GPC5: variants seen among roughly 807,000 people sequenced by gnomAD.
GPC5 encodes the protein glypican-5.
Under a neutral mutation model 53.9 loss-of-function variants are expected in GPC5, and 47 were observed. The ratio of observed to expected loss-of-function variants is 0.87; its 90% CI spans 0.69 to 1.11. GPC5 has a LOEUF of 1.11. Among genes scored for constraint, GPC5 ranks in the 50% most tolerant of loss-of-function variants. The pLI is 0.00. For missense variants in GPC5, 748 were observed against 713.1 expected, an observed-to-expected ratio of 1.05 and a Z score of -0.56; for synonymous variants, 286 against 263.3, an observed-to-expected ratio of 1.09 and a Z score of -0.84.
chr13:92,181,178 C>G (rs1015999257), intron 7 of GPC5, among the ~76,000 whole-genome samples: 10 of 151,986 alleles, frequency 6.6e-5, no homozygotes, highest in African/African-American at 2.4e-4. Context: ...AATAGCTAGT[C>G]TTTAAAGTTT....
At chr13:92,558,518 G>T (rs1196674022) in intron 7 of GPC5, among the ~76,000 whole-genome samples, 1 of 152,000 alleles carries the variant, frequency 6.6e-6, no homozygotes, top group Non-Finnish European at 1.5e-5. Context: ...TATGAATTCA[G>T]TAAGGTAGTT....
chr13:92,174,404 G>A (rs191304900), intron 7 of GPC5, among the ~76,000 whole-genome samples: 388 of 151,066 alleles, frequency 2.6e-3, no homozygotes, highest in Admixed American at 9.9e-3. Flanking sequence ...GTGTGGTGGC[G>A]GGCATCTGTA....
At chr13:92,492,357 G>C (rs139753159) in intron 7 of GPC5, among the ~76,000 whole-genome samples, 10 of 151,832 alleles carry the variant, frequency 6.6e-5, no homozygotes, top group East Asian at 1.9e-4. Context: ...GGTGGGAGAG[G>C]GGGGAGGGAT....
chr13:92,734,246 T>C (rs990142554), intron 7 of GPC5, among the ~76,000 whole-genome samples: 10 of 151,816 alleles, frequency 6.6e-5, no homozygotes, highest in African/African-American at 2.4e-4. Context: ...TTCAGACTCT[T>C]AGACTCATTG....
intron 5 of GPC5, among the ~76,000 whole-genome samples, chr13:91,884,365 G>C (rs1594639884): frequency 6.6e-6 from 1 of 152,094 alleles, no homozygotes; most frequent in South Asian, 2.1e-4. Context: ...CCCATCAATG[G>C]TATACTGGAT....
At chr13:91,950,898 T>G (rs1348802657) in intron 6 of GPC5, among the ~76,000 whole-genome samples, 1 of 152,158 alleles carries the variant, frequency 6.6e-6, no homozygotes, top group Non-Finnish European at 1.5e-5. Flanking sequence ...AGAGAGAATT[T>G]GAACCCAGGG....
At chr13:92,638,476 C>T (rs1326303852) in intron 7 of GPC5, among the ~76,000 whole-genome samples, 2 of 152,040 alleles carry the variant, frequency 1.3e-5, no homozygotes, top group Non-Finnish European at 2.9e-5. Context: ...CAGGATCACC[C>T]ACTCATCTGG....
chr13:92,391,965 T>C (rs1875023204), intron 7 of GPC5, among the ~76,000 whole-genome samples: 1 of 152,168 alleles, frequency 6.6e-6, no homozygotes. Context: ...AATGACTTCA[T>C]ACAAGGAAAA....
chr13:91,697,903 C>CTT (rs200034619), intron 3 of GPC5, among the ~76,000 whole-genome samples: 3 of 139,190 alleles, frequency 2.2e-5, no homozygotes, highest in Admixed American at 7.2e-5. Context: ...AAGATGTTTT[C>CTT]TTTTTTTTTT....
intron 5 of GPC5, among the ~76,000 whole-genome samples, chr13:91,825,142 G>T (rs1454846298): frequency 1.3e-5 from 2 of 151,894 alleles, no homozygotes; most frequent in Non-Finnish European, 2.9e-5. Context: ...GGGAGGGAGA[G>T]AGAGAGAGCT....
chr13:92,461,491 C>T (rs1423368926), intron 7 of GPC5, among the ~76,000 whole-genome samples: 1 of 152,068 alleles, frequency 6.6e-6, no homozygotes, highest in Admixed American at 6.6e-5. Flanking sequence ...TAGAAATATC[C>T]ATTTAAACTA....
chr13:92,855,865 A>T (rs1463720260), intron 7 of GPC5, among the ~76,000 whole-genome samples: 1 of 151,964 alleles, frequency 6.6e-6, no homozygotes. Flanking sequence ...ATAAATTTTT[A>T]AAAACTCTAT....
chr13:91,558,718 C>A (rs915444988), intron 2 of GPC5, among the ~76,000 whole-genome samples: 1 of 151,996 alleles, frequency 6.6e-6, no homozygotes, highest in Admixed American at 6.6e-5. Flanking sequence ...AGACTGTTGC[C>A]GTCCTCAGTG....
chr13:91,940,521 T>A (rs1365916038), intron 6 of GPC5, among the ~76,000 whole-genome samples: 1 of 152,128 alleles, frequency 6.6e-6, no homozygotes, highest in Non-Finnish European at 1.5e-5. Flanking sequence ...GTAATGGGAT[T>A]GCTGAGTTGA....
intron 2 of GPC5, among the ~76,000 whole-genome samples, chr13:91,657,850 A>G (rs1319800528): frequency 1.3e-5 from 2 of 152,174 alleles, no homozygotes; most frequent in Non-Finnish European, 1.5e-5. Flanking sequence ...ATACATGTAG[A>G]AAGTATGGTT....
At chr13:91,631,055 G>A (rs1594355999) in intron 2 of GPC5, among the ~76,000 whole-genome samples, 1 of 152,054 alleles carries the variant, frequency 6.6e-6, no homozygotes, top group Non-Finnish European at 1.5e-5. Flanking sequence ...CAGGGGACCT[G>A]TTTATTGGAA....
At chr13:92,374,691 T>G in intron 7 of GPC5, among the ~76,000 whole-genome samples, 1 of 57,730 alleles carries the variant, frequency 1.7e-5, no homozygotes, top group Admixed American at 2.7e-4. Context: ...TATCACACTC[T>G]GGGGACTGTG....
chr13:91,684,037 GCC>G (rs1455984227), intron 2 of GPC5, among the ~76,000 whole-genome samples: 1 of 152,112 alleles, frequency 6.6e-6, no homozygotes, highest in Non-Finnish European at 1.5e-5. Flanking sequence ...CATCTCAGTT[GCC>G]CTTTTAATAG....
rs367914282 is a variant in GPC5 at position 92,289,564 on chromosome 13, G to A, written c.1561+144575G>A. The stretch of plus-strand genomic sequence containing the variant: ...TTCTTTACCATATATACTGCAATAT[G>A]TTTATGAATAATAATTCTAATATTA... On this transcript the variant is annotated intron_variant, in intron 7 of 7. Transcript: ENST00000377067. Among the ~76,000 whole-genome samples, 10 of 151,976 alleles carry A rather than the reference G, an allele frequency of 6.6e-5. No homozygotes were observed. The East Asian group carries it at 1.2e-3, about 18-fold the overall frequency.
Sources: allele counts gnomAD v4.1 joint callset (sites outside exome capture counted in the v4.1 genomes callset), GRCh38; gene constraint gnomAD v4.1.1; transcripts MANE v1.5; gene names NCBI Gene and HGNC (gene_info 2026-07-23, HGNC 2026-07-21).